The following VPS13B variants were observed in gnomAD, a reference collection of about 807,000 sequenced individuals.
VPS13B encodes intermembrane lipid transfer protein VPS13B.
In VPS13B, 285 loss-of-function variants were observed where a neutral mutation model predicts 426.4. That is an observed-to-expected ratio of 0.67 (90% CI 0.61 to 0.74). The LOEUF is 0.74. VPS13B is among the 30% of genes least tolerant of loss of function. The pLI is 0.00. For missense variants in VPS13B, 4,537 were observed against 4,782.6 expected, an observed-to-expected ratio of 0.95 and a Z score of 1.51; for synonymous variants, 1,676 against 1,676.4, an observed-to-expected ratio of 1.00 and a Z score of 0.01.
At chr8:99,369,147 A>G (rs573392428) in intron 19 of VPS13B, among the ~76,000 whole-genome samples, 1 of 152,134 alleles carries the variant, frequency 6.6e-6, no homozygotes, top group Admixed American at 6.5e-5. Flanking sequence ...ATAATTGTTT[A>G]TTGCTGTTCC....
intron 3 of VPS13B, among the ~76,000 whole-genome samples, chr8:99,089,018 A>G (rs749344284): frequency 5.3e-5 from 8 of 152,092 alleles, no homozygotes; most frequent in Non-Finnish European, 1.2e-4. Context: ...GTTAGGTTGG[A>G]TAGGTTAGGA....
chr8:99,490,338 T>C (rs1236681575), intron 25 of VPS13B, among the ~76,000 whole-genome samples: 1 of 152,338 alleles, frequency 6.6e-6, no homozygotes, highest in African/African-American at 2.4e-5. Flanking sequence ...TTGATGTTCA[T>C]CAGGGATATT....
chr8:99,159,218 A>G (rs1811515952), intron 15 of VPS13B, among the ~76,000 whole-genome samples: 1 of 152,238 alleles, frequency 6.6e-6, no homozygotes, highest in African/African-American at 2.4e-5. Context: ...ATCTCATGAT[A>G]AAACTTGAAT....
At chr8:99,672,268 C>A (rs1055434530) in intron 35 of VPS13B, among the ~76,000 whole-genome samples, 1 of 152,112 alleles carries the variant, frequency 6.6e-6, no homozygotes, top group African/African-American at 2.4e-5. Flanking sequence ...TCTTCCAGTT[C>A]ATGAACACAG....
chr8:99,362,486 T>C (rs1812625493), intron 19 of VPS13B, among the ~76,000 whole-genome samples: 1 of 152,148 alleles, frequency 6.6e-6, no homozygotes, highest in Non-Finnish European at 1.5e-5. Context: ...GGATAACTAA[T>C]AAACGTTAAT....
chr8:99,431,580 A>G lies in VPS13B; in HGVS notation c.3126A>G (p.Ile1042Met). 6.2e-7 allele frequency: 1 copy of G among 1,613,552 alleles called. No homozygotes were observed. The highest frequency in any genetic ancestry group is 8.5e-7 in the Non-Finnish European group (1 of 1,179,746). Residue 1042 changes from isoleucine to methionine, a missense_variant, in exon 22 of 62, where the codon ATA (isoleucine) becomes ATG (methionine). Physicochemically the swap from Ile to Met is conservative, Grantham distance 10. Transcript: ENST00000357162. Reference sequence around the variant, plus strand: ...TTCCTGTTAAAGCCATGTTGAATATATCTGAAAGCTGTAGAAGTCCTGAAG... The same window carrying G: ...TTCCTGTTAAAGCCATGTTGAATATGTCTGAAAGCTGTAGAAGTCCTGAAG... ...LSVPVKAMLN[I>M]SESCRSPEER... is the part of the protein sequence containing the mutation.
At chr8:99,225,280 CTTTTT>C (rs369347939) in intron 17 of VPS13B, among the ~76,000 whole-genome samples, 1 of 148,320 alleles carries the variant, frequency 6.7e-6, no homozygotes, top group Non-Finnish European at 1.5e-5. Flanking sequence ...CTTTTCTTTT[CTTTTT>C]TTTTTGTTTT....
At chr8:99,829,154 TG>T (rs1814898768) in intron 51 of VPS13B, among the ~76,000 whole-genome samples, 1 of 152,224 alleles carries the variant, frequency 6.6e-6, no homozygotes, top group Non-Finnish European at 1.5e-5. Context: ...CCTGTCTTGC[TG>T]GGTTGGGGAA....
rs1554581156 is a variant in VPS13B at position 99,853,449 on chromosome 8, A to G, written c.10062-2A>G. The G allele has an allele frequency of 6.2e-7, 1 of 1,614,150 alleles. No homozygotes were observed. Among genetic ancestry groups the G allele is most frequent in the Non-Finnish European group, 8.5e-7 (1 of 1,179,994 alleles). On this transcript the variant is annotated splice_acceptor_variant, in intron 55 of 61. Transcript: ENST00000357162. LOFTEE classifies it high-confidence loss of function. ...TAATGTTCTTGTCCCTTTCTCCTCTAGAGCGCCAGAGAAGATTGTTACATT... is the reference window on the plus strand; with the variant it reads ...TAATGTTCTTGTCCCTTTCTCCTCTGGAGCGCCAGAGAAGATTGTTACATT...
chr8:99,843,802 T>C (rs1815836028), intron 54 of VPS13B, among the ~76,000 whole-genome samples: 2 of 152,306 alleles, frequency 1.3e-5, no homozygotes, highest in South Asian at 4.1e-4. Context: ...AAGTTTGTGT[T>C]TCATCTCACA....
intron 44 of VPS13B, among the ~76,000 whole-genome samples, chr8:99,809,731 A>G (rs943064732): frequency 1.3e-5 from 2 of 152,198 alleles, no homozygotes; most frequent in Admixed American, 1.3e-4. Context: ...CACTTCTTTT[A>G]CAAGAGCTGC....
intron 19 of VPS13B, among the ~76,000 whole-genome samples, chr8:99,342,351 C>G (rs967732328): frequency 6.6e-6 from 1 of 152,144 alleles, no homozygotes; most frequent in Non-Finnish European, 1.5e-5. Flanking sequence ...CTTATGCCTC[C>G]TCTCTGTCTG....
intron 19 of VPS13B, among the ~76,000 whole-genome samples, chr8:99,365,725 C>G (rs552810888): frequency 1.6e-4 from 25 of 151,806 alleles, no homozygotes; most frequent in Non-Finnish European, 3.2e-4. Context: ...CCATATTGGC[C>G]AGGCTGGTCT....
chr8:99,638,123 A>G (rs183945763), intron 33 of VPS13B, among the ~76,000 whole-genome samples: 216 of 152,232 alleles, frequency 1.4e-3, no homozygotes, highest in Non-Finnish European at 2.5e-3. Flanking sequence ...GATAACAATT[A>G]TCTTTATCTT....
intron 5 of VPS13B, among the ~76,000 whole-genome samples, chr8:99,106,073 GT>G (rs915010426): frequency 4.4e-4 from 67 of 151,366 alleles, no homozygotes; most frequent in Non-Finnish European, 7.7e-4. Flanking sequence ...CCTTTTATTA[GT>G]TTTTTTTTAA....
chr8:99,088,202 A>C (rs1425177955), intron 3 of VPS13B, among the ~76,000 whole-genome samples: 1 of 151,816 alleles, frequency 6.6e-6, no homozygotes, highest in Non-Finnish European at 1.5e-5. Flanking sequence ...AAAAAAAAAA[A>C]ATTGAATTTA....
rs117189886 is a variant in VPS13B at position 99,866,572 on chromosome 8, C to T, written c.11216-1717C>T. 4.6e-3 allele frequency among the ~76,000 whole-genome samples: 704 copies of T among 152,354 alleles called. 4 individuals carry two copies. Among genetic ancestry groups the T allele is most frequent in the Middle Eastern group, 6.8e-3 (2 of 294 alleles). On this transcript the variant is annotated intron_variant, in intron 58 of 61. Coordinates refer to ENST00000357162, the MANE Select transcript of VPS13B (RefSeq NM_152564.5). ...TCTTATCTGTCAAAGCCACAGTAAC[C>T]GAAGCCTTCACTGTGGCCAGAGAAA... is the stretch of plus-strand genomic sequence containing the variant.
At chr8:99,782,307 A>T (rs1812061870) in intron 42 of VPS13B, among the ~76,000 whole-genome samples, 1 of 152,024 alleles carries the variant, frequency 6.6e-6, no homozygotes, top group South Asian at 2.1e-4. Flanking sequence ...ATTATGCTGG[A>T]TACTGAAGAT....
rs201868967 is a variant in VPS13B, at chr8:99,767,375, T to TA, written c.7247+414dup. Reference sequence around the variant, plus strand: ...TATCCTGGGGCATTAAAAGAAATGTTAAAAAAAAATTGAATTGTCTCCTTC... The same window carrying TA: ...TATCCTGGGGCATTAAAAGAAATGTTAAAAAAAAAATTGAATTGTCTCCTTC... On this transcript the variant is annotated intron_variant, in intron 40 of 61. Coordinates refer to ENST00000357162, the MANE Select transcript of VPS13B (RefSeq NM_152564.5). Among the ~76,000 whole-genome samples, 601 of 148,550 alleles carry TA rather than the reference T, an allele frequency of 4.0e-3. 4 individuals carry two copies. The highest frequency in any genetic ancestry group is 6.6e-3 in the Non-Finnish European group (445 of 67,496).
Sources: gnomAD v4.1 joint callset for allele counts (sites outside exome capture counted in the v4.1 genomes callset) on GRCh38, gnomAD v4.1.1 for gene constraint, MANE v1.5 for transcripts, NCBI Gene and HGNC (gene_info 2026-07-23, HGNC 2026-07-21) for gene names.